The following PPM1F variants were observed in gnomAD, a reference collection of about 807,000 sequenced individuals.
The protein encoded by PPM1F is protein phosphatase, Mg2+/Mn2+ dependent 1F, also known as protein phosphatase 1F.
Under a neutral mutation model 35.5 loss-of-function variants are expected in PPM1F, and 17 were observed. That is an observed-to-expected ratio of 0.48 (90% confidence interval 0.33 to 0.72). PPM1F has a LOEUF of 0.72. Ranked by LOEUF, PPM1F falls within the 30% of genes least tolerant of loss-of-function variation. The pLI is 0.02. For missense variants in PPM1F, 521 were observed against 613.0 expected (o/e 0.85, Z 1.59); for synonymous variants, 241 against 255.5 (o/e 0.94, Z 0.54).
chr22:21,950,524 C>T (rs1024292565), intron 1 of PPM1F: 13 of 151,996 alleles, frequency 8.6e-5, no homozygotes, highest in African/African-American at 3.1e-4. Context: ...TCTTGCTTAA[C>T]TGCAGAACCA....
chr22:21,932,495 C>T (rs939903485), intron 5 of PPM1F, among the ~76,000 whole-genome samples: 1 of 152,112 alleles, frequency 6.6e-6, no homozygotes, highest in Non-Finnish European at 1.5e-5. Context: ...TGCACCTTTC[C>T]CCTGGTGTCT....
chr22:21,933,634 G>A (rs952475590), intron 4 of PPM1F, 55 bp from the exon 5 acceptor site: 129 of 1,516,424 alleles, frequency 8.5e-5, no homozygotes, highest in Non-Finnish European at 1.2e-4. Context: ...TGCTCCCAGT[G>A]GGGCGTGGCG....
chr22:21,924,463 G>T (rs1038831137), intron 7 of PPM1F, among the ~76,000 whole-genome samples: 1 of 152,040 alleles, frequency 6.6e-6, no homozygotes, highest in African/African-American at 2.4e-5. Flanking sequence ...TAGAGATGGG[G>T]TTTCACCATG....
intron 3 of PPM1F, chr22:21,938,345 G>C: frequency 2.5e-6 from 3 of 1,190,284 alleles, no homozygotes; most frequent in Non-Finnish European, 3.2e-6. Flanking sequence ...TGGCTCGGCC[G>C]AGAACAATGG....
Position 21,923,255 on chromosome 22 carries a change from C to T in PPM1F, c.1202G>A (p.Gly401Asp), listed in dbSNP as rs1255744164. Residue 401 changes from glycine (G) to aspartate (D), a missense_variant, in exon 8 of 8, where the codon GGC (glycine) becomes GAC (aspartate). Gly to Asp is a moderately conservative substitution (Grantham distance 94). This residue lies in a region of PPM1F where 163 missense variants were observed against 169.6 expected (regional missense o/e 0.96). Transcript: ENST00000263212. ...CATGACCGTGATGTTGTCGTGGGAGCCCCGCTCCCGGGCCGCAGCCACCAG... is the reference window on the plus strand; with the variant it reads ...CATGACCGTGATGTTGTCGTGGGAGTCCCGCTCCCGGGCCGCAGCCACCAG... Reference protein sequence around the residue: ...EELVAAARERGSHDNITVMVV... With the variant: ...EELVAAARERDSHDNITVMVV... The T allele has an allele frequency of 1.2e-6, 2 of 1,613,402 alleles. No homozygotes were observed. Among genetic ancestry groups the T allele is most frequent in the East Asian group, 2.2e-5 (1 of 44,878 alleles).
chr22:21,945,851 C>T lies in PPM1F; in HGVS notation c.198G>A (p.Leu66=). ...GELAELAMGF[L]GSRKAPPPLA... The stretch of plus-strand genomic sequence containing the variant: ...GGGGTGCACAGGCCTACCTGCTGCC[C>T]AGAAAGCCCATGGCCAGCTCAGCCA... Residue 66 remains leucine, a synonymous_variant, in exon 2 of 8, where the codon CTG becomes CTA. Coordinates refer to ENST00000263212, the MANE Select transcript of PPM1F (RefSeq NM_014634.4). The T allele has an allele frequency of 1.2e-6, 2 of 1,609,704 alleles. No homozygotes were observed. The highest frequency in any genetic ancestry group is 2.2e-5 in the South Asian group (2 of 90,944).
At chr22:21,932,311 A>G (rs1403849968) in intron 5 of PPM1F, among the ~76,000 whole-genome samples, 1 of 152,160 alleles carries the variant, frequency 6.6e-6, no homozygotes, top group Non-Finnish European at 1.5e-5. Flanking sequence ...GGCTGCCTTG[A>G]GCTCAGAGGC....
chr22:21,939,587 C>A lies in PPM1F; in HGVS notation c.300G>T (p.Arg100Ser). The change falls in exon 3 of 8, where the codon AGG becomes AGT. Residue 100 changes from arginine (R) to serine (S), a missense_variant. Coordinates refer to ENST00000263212, the MANE Select transcript of PPM1F (RefSeq NM_014634.4). The surrounding 1 kb of genome is among the most constrained non-coding windows in gnomAD (Gnocchi z 5.1). Reference sequence around the variant, plus strand: ...CGTCCTCCTCCTCTTCTTCTTCCTCCCTGGGCAACTTCCTGAATTCGGAAA... The same window carrying A: ...CGTCCTCCTCCTCTTCTTCTTCCTCACTGGGCAACTTCCTGAATTCGGAAA... Reference protein sequence around the residue: ...TDLSEFRKLPREEEEEEEDDD... With the variant: ...TDLSEFRKLPSEEEEEEEDDD... 1 of 1,571,102 alleles carries A rather than the reference C, an allele frequency of 6.4e-7. No homozygotes were observed. Among genetic ancestry groups the A allele is most frequent in the South Asian group, 1.2e-5 (1 of 85,924 alleles).
chr22:21,945,834 C>T lies in PPM1F; in HGVS notation c.206+9G>A. 1 of 1,606,444 alleles carries T rather than the reference C, an allele frequency of 6.2e-7. No homozygotes were observed. Among genetic ancestry groups the T allele is most frequent in the South Asian group, 1.1e-5 (1 of 90,920 alleles). On this transcript the variant is annotated intron_variant, in intron 2 of 7. Coordinates refer to ENST00000263212, the MANE Select transcript of PPM1F (RefSeq NM_014634.4). ...ACTCCCCGTCCCCTTTGGGGGTGCA[C>T]AGGCCTACCTGCTGCCCAGAAAGCC...
At chr22:21,933,144 C>T (rs918300679) in intron 5 of PPM1F, among the ~76,000 whole-genome samples, 1 of 152,232 alleles carries the variant, frequency 6.6e-6, no homozygotes, top group African/African-American at 2.4e-5. Flanking sequence ...TTCCCCGAGG[C>T]CAGCAGACCC....
At chr22:21,926,182 A>C (rs1432076067) in intron 6 of PPM1F, 1 of 138,920 alleles carries the variant, frequency 7.2e-6, no homozygotes, top group Non-Finnish European at 1.5e-5. Context: ...ACCTGGCTGG[A>C]GTGAAGTGGC....
chr22:21,931,309 C>T lies in PPM1F; in HGVS notation c.748-18G>A, dbSNP rs2070587254. On this transcript the variant is annotated intron_variant, in intron 5 of 7. Coordinates refer to ENST00000263212, the MANE Select transcript of PPM1F (RefSeq NM_014634.4). ...TGCAGCCGCTGCAGGGAGAGAGGGC[C>T]CATGAGAGTTGAGAGGAGGTAGGGA... is the stretch of plus-strand genomic sequence containing the variant. 6.2e-7 allele frequency: 1 copy of T among 1,608,172 alleles called. No homozygotes were observed. Among genetic ancestry groups the T allele is most frequent in the Non-Finnish European group, 8.5e-7 (1 of 1,179,064 alleles).
Position 21,923,095 on chromosome 22 carries a change from G to T in PPM1F, c.1362C>A (p.Ser454Arg), listed in dbSNP as rs148553069. The T allele has an allele frequency of 4.4e-5, 70 of 1,599,528 alleles. No individual in the cohort carries two copies. Among genetic ancestry groups the T allele is most frequent in the Non-Finnish European group, 5.9e-5 (69 of 1,173,556 alleles). The change falls in exon 8 of 8, where the codon AGC becomes AGA. Residue 454 changes from serine to arginine, a missense_variant. This residue lies in a region of PPM1F where 163 missense variants were observed against 169.6 expected (regional missense o/e 0.96). Transcript: ENST00000263212. ...PEPETQAPPR[S>R] ...AGGGCAGGGGCCTGGAAACCACCTA[G>T]CTTCTTGGTGGAGCCTGGGTCTCAG...
chr22:21,925,702 G>A (rs750888214), intron 6 of PPM1F, 40 bp from the exon 7 acceptor site: 1 of 1,501,256 alleles, frequency 6.7e-7, no homozygotes. Context: ...GGGCCGGGGG[G>A]ATGGGGCGTG....
At chr22:21,932,086 G>A (rs528160438) in intron 5 of PPM1F, among the ~76,000 whole-genome samples, 52 of 151,586 alleles carry the variant, frequency 3.4e-4, no homozygotes, top group African/African-American at 1.3e-3. Context: ...CCAAAGTGCT[G>A]GGATTACAGG....
intron 3 of PPM1F, chr22:21,936,006 A>G (rs992012692): frequency 2.0e-5 from 3 of 151,998 alleles, no homozygotes; most frequent in African/African-American, 7.2e-5. Flanking sequence ...CAAATGAACA[A>G]CACCAAACCA....
rs1261687573 is a variant in PPM1F at position 21,920,448 on chromosome 22, G to T, written c.*2644C>A. 1 of 152,686 alleles carries T rather than the reference G, an allele frequency of 6.5e-6. No homozygotes were observed. The highest frequency in any genetic ancestry group is 1.9e-4 in the East Asian group (1 of 5,204). The allele number at this position is 152,686 out of a possible 1,614,324, so 9.5% of individuals were successfully genotyped here. On this transcript the variant is annotated 3_prime_UTR_variant, in exon 8 of 8. Coordinates refer to ENST00000263212, the MANE Select transcript of PPM1F (RefSeq NM_014634.4). ...GGCTGGAAGAGAAGGTCGCCCCGGAGGTTGGAGGCTGAAGACACCTGGTGC... is the reference window on the plus strand; with the variant it reads ...GGCTGGAAGAGAAGGTCGCCCCGGATGTTGGAGGCTGAAGACACCTGGTGC...
chr22:21,925,670 AAC>A lies in PPM1F; in HGVS notation c.892-10_892-9del. 1 of 1,572,174 alleles carries A rather than the reference AAC, an allele frequency of 6.4e-7. No individual in the cohort carries two copies. Among genetic ancestry groups the A allele is most frequent in the Non-Finnish European group, 8.7e-7 (1 of 1,152,420 alleles). On this transcript the variant is annotated splice_polypyrimidine_tract_variant and intron_variant, in intron 6 of 7. Coordinates refer to ENST00000263212, the MANE Select transcript of PPM1F (RefSeq NM_014634.4). ...AATGCGCGCCTTCTCATCCTGCAGA[AAC>A]ACAGCCAGAGTTGGGGGCAGGGCCG...
In PPM1F at chr22:21,948,638, A is replaced by G. The variant is rs556463563; in HGVS notation, c.-60-2530T>C. 3.3e-5 allele frequency: 5 copies of G among 152,444 alleles called. No individual in the cohort carries two copies. In the East Asian group the frequency reaches 5.8e-4, roughly 18 times the overall value. 9.4% of individuals were successfully genotyped at this position (152,444 alleles called of 1,614,324 possible). A position where few individuals can be genotyped will look rare whatever the true frequency, so the allele number is the denominator to read the frequency against. ...GCTTCTGGGAGAATGTGAACGATGC[A>G]GAGCTGCCCCCAGCAACTGCCAGTG... On this transcript the variant is annotated intron_variant, in intron 1 of 7. Transcript: ENST00000263212.
Sources: gnomAD v4.1 joint callset for allele counts (sites outside exome capture counted in the v4.1 genomes callset) on GRCh38, gnomAD v4.1.1 for gene constraint, gnomAD v4.1.1 regional missense constraint, Gnocchi (gnomAD v3.1) non-coding constraint, MANE v1.5 for transcripts, NCBI Gene and HGNC (gene_info 2026-07-23, HGNC 2026-07-21) for gene names.